Variants in CDIP1 observed in about 807,000 individuals in gnomAD.
CDIP1 encodes cell death-inducing p53-target protein 1.
In CDIP1, 9 loss-of-function variants were observed where a neutral mutation model predicts 17.7. The observed-to-expected ratio is 0.51, with a 90% CI of 0.31 to 0.89. CDIP1 has a LOEUF of 0.89. Among genes scored for constraint, CDIP1 ranks in the 40% least tolerant of loss-of-function variants. CDIP1 has a pLI of 0.05. For synonymous variants in CDIP1, 117 were observed against 109.5 expected (o/e 1.07, Z -0.43); for missense variants, 263 against 277.9 (o/e 0.95, Z 0.38).
At chr16:4,537,130 TTAATG>T (rs1567426621) in intron 1 of CDIP1, among the ~76,000 whole-genome samples, 2 of 152,152 alleles carry the variant, frequency 1.3e-5, no homozygotes, top group South Asian at 4.1e-4. Context: ...AAGACTCTAA[TTAATG>T]ACATGCATGC....
rs1030929246 is a variant in CDIP1, at chr16:4,512,536, G to C, written c.*36C>G. The C allele has an allele frequency of 1.4e-6, 2 of 1,479,458 alleles. No homozygotes were observed. Among genetic ancestry groups the C allele is most frequent in the African/African-American group, 2.8e-5 (2 of 72,130 alleles). The allele number at this position is 1,479,458 out of a possible 1,614,324, so 91.6% of individuals were successfully genotyped here. On this transcript the variant is annotated 3_prime_UTR_variant, in exon 6 of 6. Coordinates refer to ENST00000567695, the MANE Select transcript of CDIP1 (RefSeq NM_013399.3). The surrounding 1 kb of genome is among the most constrained non-coding windows in gnomAD (Gnocchi z 4.6). ...ACAGGGAGCAAAGCACAGGGGGCCA[G>C]ACTGACAGGCGGGGGAGTCCCGAGT...
intron 1 of CDIP1, among the ~76,000 whole-genome samples, chr16:4,528,995 A>AAT (rs1182487094): frequency 5.9e-5 from 9 of 152,130 alleles, no homozygotes; most frequent in Non-Finnish European, 1.0e-4. Context: ...ATCTCAAAAA[A>AAT]ATATATATAT....
intron 1 of CDIP1, chr16:4,532,535 C>G (rs1335643008): frequency 6.6e-6 from 1 of 152,252 alleles, no homozygotes; most frequent in African/African-American, 2.4e-5. Flanking sequence ...GCAGGATGCC[C>G]ACTTTTACCC....
rs549884488 is a variant in CDIP1, at chr16:4,517,040, C to G, written c.-104-2376G>C. Reference sequence around the variant, plus strand: ...ACCAAACCCTATTAAGACATTTAGGCAAGGCCCTACTTGCTGCTTTCATGA... The same window carrying G: ...ACCAAACCCTATTAAGACATTTAGGGAAGGCCCTACTTGCTGCTTTCATGA... On this transcript the variant is annotated intron_variant, in intron 1 of 5. Coordinates refer to ENST00000567695, the MANE Select transcript of CDIP1 (RefSeq NM_013399.3). Among the ~76,000 whole-genome samples the G allele has an allele frequency of 6.6e-5, 10 of 152,236 alleles. No individual in the cohort carries two copies. The East Asian group carries it at 1.9e-3, about 29-fold the overall frequency.
chr16:4,523,343 G>A (rs1028645196), intron 1 of CDIP1, among the ~76,000 whole-genome samples: 6 of 152,072 alleles, frequency 3.9e-5, no homozygotes, highest in East Asian at 1.9e-4. Context: ...GTGAAACCCC[G>A]TCTCTACTAA....
At chr16:4,534,066 T>C (rs2059081645) in intron 1 of CDIP1, among the ~76,000 whole-genome samples, 1 of 152,118 alleles carries the variant, frequency 6.6e-6, no homozygotes, top group South Asian at 2.1e-4. Context: ...TTCTCCTGCC[T>C]CAGCCTCCTG....
At chr16:4,530,085 G>A (rs2059039688) in intron 1 of CDIP1, among the ~76,000 whole-genome samples, 1 of 152,204 alleles carries the variant, frequency 6.6e-6, no homozygotes, top group Non-Finnish European at 1.5e-5. Context: ...TGAGGACAGT[G>A]GCTCATCCCT....
At chr16:4,529,223 T>C (rs757228544) in intron 1 of CDIP1, among the ~76,000 whole-genome samples, 3 of 152,176 alleles carry the variant, frequency 2.0e-5, no homozygotes, top group Admixed American at 6.5e-5. Flanking sequence ...ATGGAAAGTT[T>C]AGATCTGTAA....
At chr16:4,534,934 T>C (rs916207871) in intron 1 of CDIP1, among the ~76,000 whole-genome samples, 3 of 151,976 alleles carry the variant, frequency 2.0e-5, no homozygotes, top group Non-Finnish European at 2.9e-5. Flanking sequence ...GTCAGGCTGG[T>C]CTCAAATTCC....
At position 4,514,547 on chromosome 16, in the gene CDIP1, G is replaced by A; in HGVS notation, c.-15+28C>T. Reference sequence around the variant, plus strand: ...CCGATCTCTGCCACAGGCTGCACTGGGAATGGGGGTTCTGGGGGATTTCTT... The same window carrying A: ...CCGATCTCTGCCACAGGCTGCACTGAGAATGGGGGTTCTGGGGGATTTCTT... On this transcript the variant is annotated intron_variant, in intron 2 of 5. Transcript: ENST00000567695. This position sits in a 1 kb window ranked among gnomAD's most constrained non-coding sequence, Gnocchi z 5.2. 5.7e-6 allele frequency: 1 copy of A among 175,964 alleles called. No homozygotes were observed. Among genetic ancestry groups the A allele is most frequent in the Non-Finnish European group, 1.2e-5 (1 of 84,244 alleles). The allele number at this position is 175,964 out of a possible 1,614,324, so 10.9% of individuals were successfully genotyped here. A position where few individuals can be genotyped will look rare whatever the true frequency, so the allele number is the denominator to read the frequency against.
intron 1 of CDIP1, among the ~76,000 whole-genome samples, chr16:4,526,753 AAAAAT>A (rs2059005438): frequency 1.3e-5 from 2 of 151,194 alleles, no homozygotes; most frequent in African/African-American, 2.4e-5. Flanking sequence ...AAATAAAATT[AAAAAT>A]AAAATAAAAA....
intron 1 of CDIP1, among the ~76,000 whole-genome samples, chr16:4,519,637 A>G (rs1362340438): frequency 6.6e-6 from 1 of 152,110 alleles, no homozygotes; most frequent in Non-Finnish European, 1.5e-5. Context: ...ACTGATGGTG[A>G]GGCTTAATGG....
intron 1 of CDIP1, among the ~76,000 whole-genome samples, chr16:4,537,367 T>C (rs1252537661): frequency 1.3e-5 from 2 of 152,148 alleles, no homozygotes. Flanking sequence ...GACTGGCAAG[T>C]GACTGGGCAT....
chr16:4,533,724 C>G (rs940626512), intron 1 of CDIP1: 2 of 152,204 alleles, frequency 1.3e-5, no homozygotes, highest in African/African-American at 2.4e-5. Context: ...AGCCCACCCC[C>G]GTACTCTTTC....
At chr16:4,526,021 C>T (rs1451765547) in intron 1 of CDIP1, among the ~76,000 whole-genome samples, 4 of 152,120 alleles carry the variant, frequency 2.6e-5, no homozygotes, top group South Asian at 2.1e-4. Flanking sequence ...CAGAAAGGAC[C>T]AGAAAACAGA....
intron 1 of CDIP1, among the ~76,000 whole-genome samples, chr16:4,537,226 G>A (rs1375438425): frequency 1.3e-5 from 2 of 152,238 alleles, no homozygotes; most frequent in African/African-American, 4.8e-5. Flanking sequence ...GGACAAATAT[G>A]TGATGAAATA....
chr16:4,525,258 G>T (rs1292745346), intron 1 of CDIP1, among the ~76,000 whole-genome samples: 1 of 152,170 alleles, frequency 6.6e-6, no homozygotes, highest in Non-Finnish European at 1.5e-5. Flanking sequence ...ACTCCCTGGC[G>T]GGAAGGCTGG....
rs2141629788 is a variant in CDIP1 at position 4,514,858 on chromosome 16, C to G, written c.-104-194G>C. The G allele has an allele frequency of 6.5e-6, 1 of 152,850 alleles. No individual in the cohort carries two copies. Among genetic ancestry groups the G allele is most frequent in the East Asian group, 1.9e-4 (1 of 5,190 alleles). The allele number at this position is 152,850 out of a possible 1,614,324, so 9.5% of individuals were successfully genotyped here. On this transcript the variant is annotated intron_variant, in intron 1 of 5. Coordinates refer to ENST00000567695, the MANE Select transcript of CDIP1 (RefSeq NM_013399.3). This position sits in a 1 kb window ranked among gnomAD's most constrained non-coding sequence, Gnocchi z 5.2. ...GTCCCGTCGCAGGTCTGCTTCCTCC[C>G]TCCCCCAGGACTGCTGGCACCCAAG...
intron 1 of CDIP1, among the ~76,000 whole-genome samples, chr16:4,537,916 G>A (rs1028516688): frequency 6.6e-6 from 1 of 152,198 alleles, no homozygotes; most frequent in Admixed American, 6.5e-5. Flanking sequence ...GGGATGCGCG[G>A]CCGAGCGCCA....
Sources: allele counts gnomAD v4.1 joint callset (sites outside exome capture counted in the v4.1 genomes callset), GRCh38; gene constraint gnomAD v4.1.1; non-coding constraint Gnocchi (gnomAD v3.1); transcripts MANE v1.5; gene names NCBI Gene and HGNC (gene_info 2026-07-23, HGNC 2026-07-21).